SLC35E4: variants seen among roughly 807,000 people sequenced by gnomAD.
SLC35E4 encodes solute carrier family 35, member E4.
A neutral mutation model predicts 19.3 loss-of-function variants in SLC35E4; 15 were observed. The observed-to-expected ratio is 0.78, with a 90% CI of 0.52 to 1.20. The LOEUF is 1.20. Among genes scored for constraint, SLC35E4 ranks in the 50% most tolerant of loss-of-function variants. SLC35E4 has a pLI of 0.00. For missense variants in SLC35E4, 406 were observed against 472.3 expected (o/e 0.86, Z 1.30); for synonymous variants, 219 against 219.9 (o/e 1.00, Z 0.04).
chr22:30,651,421 ATATATATTTTTTTTTTTTTTT>A (rs1306795121), downstream of SLC35E4, among the ~76,000 whole-genome samples: 1,984 of 52,570 alleles, frequency 0.038, 31 homozygotes, highest in East Asian at 0.15. Flanking sequence ...ATATATATAT[ATATATATTTTTTTTTTTTTTT>A]TTTTTTTTTT....
At chr22:30,649,488 C>G (rs756093739), downstream of SLC35E4, among the ~76,000 whole-genome samples, 36 of 150,500 alleles carry the variant, frequency 2.4e-4, 3 homozygotes, top group Non-Finnish European at 4.6e-4. Context: ...CAGCCCACGG[C>G]GGGGTGGGAG....
At position 30,646,826 on chromosome 22, in the gene SLC35E4, C is replaced by T; in HGVS notation, c.848C>T (p.Thr283Ile). The T allele has an allele frequency of 6.2e-7, 1 of 1,614,248 alleles. No individual in the cohort carries two copies. Among genetic ancestry groups the T allele is most frequent in the African/African-American group, 1.3e-5 (1 of 75,078 alleles). Reference protein sequence around the residue: ...FSLLALTSALTVHVLGNLTVV... With the variant: ...FSLLALTSALIVHVLGNLTVV... ...CTGCTGGCCCTCACCTCTGCCCTCACCGTCCACGTCCTGGGCAACCTCACC... is the reference window on the plus strand; with the variant it reads ...CTGCTGGCCCTCACCTCTGCCCTCATCGTCCACGTCCTGGGCAACCTCACC... Residue 283 changes from threonine (T) to isoleucine (I), a missense_variant, in exon 2 of 2, where the codon ACC becomes ATC. By Grantham distance (89) the Thr-to-Ile change is moderately conservative (BLOSUM62 -1). Transcript: ENST00000343605.
intron 1 of SLC35E4, among the ~76,000 whole-genome samples, chr22:30,639,153 A>C (rs539822430): frequency 1.3e-5 from 2 of 152,304 alleles, no homozygotes; most frequent in East Asian, 3.9e-4. Context: ...GACAGAGTAC[A>C]AAAGGGAGAA....
At chr22:30,654,065 C>T (rs1027984596) in intron 2 of SLC35E4, 10 of 173,620 alleles carry the variant, frequency 5.8e-5, no homozygotes, top group Non-Finnish European at 9.7e-5. Context: ...CTGCAAGCTC[C>T]GCCCCACGGG....
chr22:30,638,230 G>A (rs1183674070), intron 1 of SLC35E4, among the ~76,000 whole-genome samples: 4 of 151,656 alleles, frequency 2.6e-5, no homozygotes, highest in Non-Finnish European at 4.4e-5. Context: ...GGCCGGGCGC[G>A]GTGTCTCATG....
intron 2 of SLC35E4, chr22:30,654,151 ATTTT>A (rs1264636601): frequency 4.5e-6 from 1 of 222,000 alleles, no homozygotes; most frequent in Non-Finnish European, 9.0e-6. Context: ...GGCTATTTTT[ATTTT>A]TTATTTTTTT....
intron 1 of SLC35E4, among the ~76,000 whole-genome samples, chr22:30,637,816 A>T (rs775996564): frequency 3.3e-5 from 5 of 152,242 alleles, no homozygotes; most frequent in Non-Finnish European, 2.9e-5. Flanking sequence ...GTCAGACTCC[A>T]TGCTTCCAAG....
At chr22:30,645,196 C>T (rs1334909492) in intron 1 of SLC35E4, among the ~76,000 whole-genome samples, 4 of 152,180 alleles carry the variant, frequency 2.6e-5, no homozygotes, top group Admixed American at 2.6e-4. Context: ...GGACCCTCTG[C>T]TGGCCTGCCC....
At position 30,636,932 on chromosome 22, in the gene SLC35E4, C is replaced by T. The variant is rs1194931217; in HGVS notation, c.482C>T (p.Pro161Leu). 7 of 1,612,070 alleles carry T rather than the reference C, an allele frequency of 4.3e-6. No homozygotes were observed. The African/African-American group carries it at 8.0e-5, about 18-fold the overall frequency. ...CTGCTGCTGGGCCGCCGCCACCACC[C>T]ACTTCAGTTGGCCGCCATGGGTCCG... ...SALLLGRRHH[P>L]LQLAAMGPLC... Residue 161 changes from proline (P) to leucine (L), a missense_variant, in exon 1 of 2, where the codon CCA becomes CTA. Physicochemically the swap from Pro to Leu is moderately conservative, Grantham distance 98 (BLOSUM62 -3). Transcript: ENST00000343605.
Position 30,647,204 on chromosome 22 carries a change from C to A in SLC35E4, c.*173C>A. The A allele has an allele frequency of 1.3e-6, 1 of 767,968 alleles. No homozygotes were observed. The allele number at this position is 767,968 out of a possible 1,614,324, so 47.6% of individuals were successfully genotyped here. A position where few individuals can be genotyped will look rare whatever the true frequency, so the allele number is the denominator to read the frequency against. ...CCTGAGGCCAGGAGTTCGAGACCAG[C>A]CTGGCTAACATGGCAAAACCTCATC... On this transcript the variant is annotated 3_prime_UTR_variant, in exon 2 of 2. Transcript: ENST00000343605.
At position 30,655,429 on chromosome 22, in the gene SLC35E4, C is replaced by T. The variant is rs796139228; in HGVS notation, c.*8+6176C>T. Among the ~76,000 whole-genome samples the T allele has an allele frequency of 1.2e-4, 13 of 111,630 alleles. 2 individuals carry two copies. The highest frequency in any genetic ancestry group is 9.7e-4 in the East Asian group (4 of 4,140). The allele number at this position is 111,630 out of a possible 152,430, so 73.2% of individuals were successfully genotyped here. A position where few individuals can be genotyped will look rare whatever the true frequency, so the allele number is the denominator to read the frequency against. ...TCTGGGTAACAGAGTGAGATCCTAC[C>T]AAAAAAAAAAAAAAAAAAAGAAAAA... is the stretch of plus-strand genomic sequence containing the variant. On this transcript the variant is annotated intron_variant, in intron 2 of 2. Transcript: ENST00000406566.
In SLC35E4 at chr22:30,636,865, G is replaced by C. The variant is rs1353800182; in HGVS notation, c.415G>C (p.Val139Leu). ...TGTGCCCCTGGACCTGGCACAACTGGTTACTACCACCACACCTCTGTTCAC... is the reference window on the plus strand; with the variant it reads ...TGTGCCCCTGGACCTGGCACAACTGCTTACTACCACCACACCTCTGTTCAC... ...RAVPLDLAQL[V>L]TTTTPLFTLA... is the part of the protein sequence containing the mutation. The change falls in exon 1 of 2, where the codon GTT (valine) becomes CTT (leucine). Residue 139 changes from valine (V) to leucine (L), a missense_variant. Val to Leu is a conservative substitution (Grantham distance 32). Coordinates refer to ENST00000343605, the MANE Select transcript of SLC35E4 (RefSeq NM_001001479.4). 2 of 1,612,894 alleles carry C rather than the reference G, an allele frequency of 1.2e-6. No individual in the cohort carries two copies. Among genetic ancestry groups the C allele is most frequent in the African/African-American group, 1.3e-5 (1 of 74,928 alleles).
At chr22:30,638,758 G>A (rs938232100) in intron 1 of SLC35E4, among the ~76,000 whole-genome samples, 1 of 152,196 alleles carries the variant, frequency 6.6e-6, no homozygotes, top group African/African-American at 2.4e-5. Context: ...GTTGCAGTGA[G>A]CTGAGATCAC....
intron 2 of SLC35E4, among the ~76,000 whole-genome samples, chr22:30,655,439 A>G (rs1302931414): frequency 6.6e-6 from 1 of 151,540 alleles, no homozygotes; most frequent in Non-Finnish European, 1.5e-5. Context: ...CAAAAAAAAA[A>G]AAAAAAAAAG....
chr22:30,649,376 C>G (rs1369150410), downstream of SLC35E4: 10 of 619,494 alleles, frequency 1.6e-5, no homozygotes, highest in Non-Finnish European at 3.0e-5. Context: ...GGGCTGTGGT[C>G]TATGGAGACT....
At chr22:30,658,190 C>T (rs1379900130) in intron 2 of SLC35E4, among the ~76,000 whole-genome samples, 1 of 151,460 alleles carries the variant, frequency 6.6e-6, no homozygotes, top group Non-Finnish European at 1.5e-5. Flanking sequence ...TCTGTCTCTC[C>T]CACTGGCTGC....
downstream of SLC35E4, among the ~76,000 whole-genome samples, chr22:30,666,176 A>G (rs540457494): frequency 6.6e-6 from 1 of 152,284 alleles, no homozygotes; most frequent in East Asian, 1.9e-4. Context: ...TCCATAGAGA[A>G]GTGAACTGAT....
Position 30,636,372 on chromosome 22 carries a change from T to C in SLC35E4, c.-79T>C. The C allele has an allele frequency of 1.4e-6, 2 of 1,431,616 alleles. No individual in the cohort carries two copies. Among genetic ancestry groups the C allele is most frequent in the Non-Finnish European group, 9.1e-7 (1 of 1,094,206 alleles). 88.7% of individuals were successfully genotyped at this position (1,431,616 alleles called of 1,614,324 possible). On this transcript the variant is annotated 5_prime_UTR_variant, in exon 1 of 2. Coordinates refer to ENST00000343605, the MANE Select transcript of SLC35E4 (RefSeq NM_001001479.4). ...GGGTCGGAGGAACCAGGATCTAGCC[T>C]GGCCCCAAGCGGAACTCTCTGGTGG...
intron 1 of SLC35E4, among the ~76,000 whole-genome samples, chr22:30,639,541 A>G (rs2088003696): frequency 6.6e-6 from 1 of 152,140 alleles, no homozygotes; most frequent in African/African-American, 2.4e-5. Context: ...ACTGGGGCTT[A>G]TTTCATCCCT....
Sources: allele counts gnomAD v4.1 joint callset (sites outside exome capture counted in the v4.1 genomes callset), GRCh38; gene constraint gnomAD v4.1.1; transcripts MANE v1.5; gene names NCBI Gene and HGNC (gene_info 2026-07-23, HGNC 2026-07-21).